Variants in AMZ2 observed in about 807,000 individuals in gnomAD.
AMZ2 encodes the protein archaelysin family metallopeptidase 2.
AMZ2 carries 26 observed loss-of-function variants against 36.7 expected under a neutral mutation model. The observed-to-expected ratio is 0.71, with a 90% confidence interval of 0.52 to 0.98. AMZ2 has a LOEUF of 0.98. AMZ2 is among the 50% of genes least tolerant of loss of function. The pLI is 0.00. For missense variants in AMZ2, 394 were observed against 430.5 expected (o/e 0.92, Z 0.75); for synonymous variants, 144 against 149.1 (o/e 0.97, Z 0.25).
Position 68,248,259 on chromosome 17 carries a change from G to T in AMZ2, c.-447G>T. 1 of 985,984 alleles carries T rather than the reference G, an allele frequency of 1.0e-6. No individual in the cohort carries two copies. The highest frequency in any genetic ancestry group is 1.2e-6 in the Non-Finnish European group (1 of 830,190). 61.1% of individuals were successfully genotyped at this position (985,984 alleles called of 1,614,324 possible). ...TGGCGGAAGCCGCGGGGTCCGCGGG[G>T]TCGGTGCCTCTAGGGAGCCAGGGAG... is the stretch of plus-strand genomic sequence containing the variant. On this transcript the variant is annotated 5_prime_UTR_variant, in exon 1 of 7. Transcript: ENST00000359904.
rs2073767665 is a variant in AMZ2 at position 68,235,605 on chromosome 17, C to T, written c.-66-13035C>T. The stretch of plus-strand genomic sequence containing the variant: ...GGACAGCCTCAATCCCTCAGGGCCC[C>T]TCTCGGTGCCTGCTTGGCTGACTGG... On this transcript the variant is annotated intron_variant, in intron 1 of 7. Transcript: ENST00000674770. The surrounding 1 kb of genome is among the most constrained non-coding windows in gnomAD (Gnocchi z 4.2). Among the ~76,000 whole-genome samples, 1 of 152,142 alleles carries T rather than the reference C, an allele frequency of 6.6e-6. No individual in the cohort carries two copies. The highest frequency in any genetic ancestry group is 1.5e-5 in the Non-Finnish European group (1 of 68,004).
At chr17:68,243,043 CAA>C (rs35857340), upstream of AMZ2, among the ~76,000 whole-genome samples, 53 of 105,042 alleles carry the variant, frequency 5.0e-4, no homozygotes, top group African/African-American at 1.1e-3. Flanking sequence ...GGCTCTGTCT[CAA>C]AAAAAAAAAA....
chr17:68,247,809 A>C, upstream of AMZ2: 1 of 985,554 alleles, frequency 1.0e-6, no homozygotes, highest in Non-Finnish European at 1.2e-6. Flanking sequence ...GCAAGCGAGG[A>C]ATCGGCGACT....
At chr17:68,218,071 C>T (rs1433585522) in intron 1 of AMZ2, among the ~76,000 whole-genome samples, 1 of 151,964 alleles carries the variant, frequency 6.6e-6, no homozygotes, top group Non-Finnish European at 1.5e-5. Flanking sequence ...CTCTGCCTCC[C>T]AAAGTGCTGG....
rs1555728766 is a variant in AMZ2 at position 68,222,305 on chromosome 17, G to C, written c.-67+16067G>C. ...GCTGGATCTACAGGTCTCAAGCTCA[G>C]TGGAGAGGTCTGATAAATAAAAGCA... On this transcript the variant is annotated intron_variant, in intron 1 of 7. Transcript: ENST00000674770. 1.3e-5 allele frequency among the ~76,000 whole-genome samples: 2 copies of C among 152,220 alleles called. 1 individual carries two copies. The highest frequency in any genetic ancestry group is 4.1e-4 in the South Asian group (2 of 4,832).
At chr17:68,216,993 C>A (rs1286712636) in intron 1 of AMZ2, among the ~76,000 whole-genome samples, 3 of 151,514 alleles carry the variant, frequency 2.0e-5, no homozygotes, top group East Asian at 3.9e-4. Context: ...AGTTTGCGCC[C>A]CTGCACTCCA....
intron 1 of AMZ2, among the ~76,000 whole-genome samples, chr17:68,224,569 A>C (rs1164209216): frequency 6.9e-6 from 1 of 145,704 alleles, no homozygotes; most frequent in Non-Finnish European, 1.5e-5. Context: ...CCCTAGAGAC[A>C]GGGTCTCACT....
In AMZ2 at chr17:68,254,456, C is replaced by G. The variant is rs1256830959; in HGVS notation, c.639C>G (p.His213Gln). Reference protein sequence around the residue: ...ARYGSDFYSMHYKGKVKKLKK... With the variant: ...ARYGSDFYSMQYKGKVKKLKK... ...ATGGCAGTGATTTTTATAGCATGCA[C>G]TATAAAGGCAAAGTGAAGAAGCTCA... Residue 213 changes from histidine (H) to glutamine (Q), a missense_variant, in exon 5 of 7, where the codon CAC becomes CAG. Coordinates refer to ENST00000359904, the MANE Select transcript of AMZ2 (RefSeq NM_016627.5). 5.6e-6 allele frequency: 9 copies of G among 1,613,580 alleles called. No individual in the cohort carries two copies. The highest frequency in any genetic ancestry group is 7.6e-6 in the Non-Finnish European group (9 of 1,179,980).
At chr17:68,246,408 G>C (rs2074015655), upstream of AMZ2, among the ~76,000 whole-genome samples, 1 of 152,002 alleles carries the variant, frequency 6.6e-6, no homozygotes, top group East Asian at 1.9e-4. Flanking sequence ...AATTGTCTCC[G>C]TTTTACAAAA....
chr17:68,227,561 C>T (rs1183707336), intron 1 of AMZ2, among the ~76,000 whole-genome samples: 20 of 152,226 alleles, frequency 1.3e-4, no homozygotes, highest in Non-Finnish European at 7.3e-5. Context: ...CTGGTCTCTT[C>T]CAGCTTCTGG....
At chr17:68,207,508 G>T (rs2072877027) in intron 1 of AMZ2, 1 of 152,058 alleles carries the variant, frequency 6.6e-6, no homozygotes, top group Admixed American at 6.5e-5. Context: ...TGAGGAAAAA[G>T]GACCCTTTTT....
At chr17:68,224,434 G>A (rs1276401326) in intron 1 of AMZ2, among the ~76,000 whole-genome samples, 2 of 152,148 alleles carry the variant, frequency 1.3e-5, no homozygotes, top group African/African-American at 2.4e-5. Context: ...GCCTCTCTGC[G>A]TGTTGCTTGC....
chr17:68,228,018 C>T (rs1333172561), intron 1 of AMZ2, among the ~76,000 whole-genome samples: 1 of 152,078 alleles, frequency 6.6e-6, no homozygotes, highest in African/African-American at 2.4e-5. Context: ...CACCCAGCTG[C>T]GGGGGACATG....
At chr17:68,209,630 A>ATTTTTTTT (rs1339157573) in intron 1 of AMZ2, among the ~76,000 whole-genome samples, 34 of 98,432 alleles carry the variant, frequency 3.5e-4, no homozygotes, top group Non-Finnish European at 4.8e-4. Context: ...ATATATATAT[A>ATTTTTTTT]TATTTTTTTT....
upstream of AMZ2, among the ~76,000 whole-genome samples, chr17:68,243,385 T>G (rs2073943075): frequency 6.6e-6 from 1 of 152,230 alleles, no homozygotes; most frequent in Non-Finnish European, 1.5e-5. Flanking sequence ...TCAGCCTGCC[T>G]TGGCCTCCCA....
chr17:68,215,988 G>C (rs1243625038), intron 1 of AMZ2, among the ~76,000 whole-genome samples: 1 of 152,168 alleles, frequency 6.6e-6, no homozygotes, highest in African/African-American at 2.4e-5. Context: ...AAAAGAAGTA[G>C]TTGTGATAAG....
intron 1 of AMZ2, among the ~76,000 whole-genome samples, chr17:68,209,739 G>C (rs1555725439): frequency 6.7e-6 from 1 of 149,544 alleles, no homozygotes; most frequent in African/African-American, 2.5e-5. Context: ...TCCTGTTTCA[G>C]CCTCCTGAGA....
At chr17:68,240,435 A>T (rs2073878254) in intron 1 of AMZ2, among the ~76,000 whole-genome samples, 1 of 152,230 alleles carries the variant, frequency 6.6e-6, no homozygotes, top group African/African-American at 2.4e-5. Flanking sequence ...AAAAGAAAAG[A>T]TAGAAAATAA....
chr17:68,241,902 CT>C (rs1283514739), intron 1 of AMZ2, among the ~76,000 whole-genome samples: 1 of 142,890 alleles, frequency 7.0e-6, no homozygotes, highest in Non-Finnish European at 1.5e-5. Flanking sequence ...TTTCTTTTTT[CT>C]TTTTCTTTTT....
Sources: gnomAD v4.1 joint callset for allele counts (sites outside exome capture counted in the v4.1 genomes callset) on GRCh38, gnomAD v4.1.1 for gene constraint, Gnocchi (gnomAD v3.1) non-coding constraint, MANE v1.5 for transcripts, NCBI Gene and HGNC (gene_info 2026-07-23, HGNC 2026-07-21) for gene names.